ZC3H12C: variants seen among roughly 807,000 people sequenced by gnomAD.
The protein encoded by ZC3H12C is probable ribonuclease ZC3H12C.
ZC3H12C carries 20 observed loss-of-function variants against 76.3 expected under a neutral mutation model. The ratio of observed to expected loss-of-function variants is 0.26; its 90% CI spans 0.18 to 0.38. The LOEUF (loss-of-function observed/expected upper bound fraction) is 0.38. Ranked by LOEUF, ZC3H12C falls within the 10% of genes least tolerant of loss-of-function variation. ZC3H12C has a pLI of 1.00. For synonymous variants in ZC3H12C, 352 were observed against 399.6 expected (o/e 0.88, Z 1.42); for missense variants, 874 against 1,086.5 (o/e 0.80, Z 2.75).
intron 3 of ZC3H12C, among the ~76,000 whole-genome samples, chr11:110,154,912 A>G (rs585334): frequency 0.69 from 102,273 of 148,988 alleles, 35,967 homozygotes; most frequent in South Asian, 0.79. Flanking sequence ...GAATATAAGC[A>G]CCAAATAAGA....
At chr11:110,133,633 T>C (rs753992610) in intron 1 of ZC3H12C, among the ~76,000 whole-genome samples, 19 of 152,188 alleles carry the variant, frequency 1.2e-4, no homozygotes, top group Non-Finnish European at 2.8e-4. Context: ...ATTATCACTT[T>C]AAAAATATGT....
chr11:110,144,813 T>G (rs1440148363), intron 2 of ZC3H12C, among the ~76,000 whole-genome samples: 2 of 152,190 alleles, frequency 1.3e-5, no homozygotes, highest in African/African-American at 2.4e-5. Context: ...AGGCAGTCTC[T>G]TTTTATAGAT....
At chr11:110,101,049 T>C (rs1203571002) in intron 1 of ZC3H12C, among the ~76,000 whole-genome samples, 1 of 152,164 alleles carries the variant, frequency 6.6e-6, no homozygotes, top group Non-Finnish European at 1.5e-5. Context: ...GAAACAGCCT[T>C]ATTGTTGATA....
intron 1 of ZC3H12C, among the ~76,000 whole-genome samples, chr11:110,108,115 T>G (rs866814952): frequency 6.6e-6 from 1 of 152,206 alleles, no homozygotes; most frequent in Middle Eastern, 3.4e-3. Context: ...ACCTGGCTTT[T>G]TTTTGTTTTG....
chr11:110,121,654 T>A (rs912792896), intron 1 of ZC3H12C, among the ~76,000 whole-genome samples: 14 of 152,166 alleles, frequency 9.2e-5, no homozygotes, highest in African/African-American at 2.7e-4. Context: ...ATCAGTAGTA[T>A]GCAGTTATTT....
In ZC3H12C at chr11:110,170,551, A is replaced by T. The variant is rs1378729683; in HGVS notation, c.*4814A>T. The stretch of plus-strand genomic sequence containing the variant: ...GCTATAATGTGAGTGGCATGTTACA[A>T]TGTAACTCTTTATGAGAAATAAAAT... On this transcript the variant is annotated 3_prime_UTR_variant, in exon 6 of 6. Transcript: ENST00000278590. 6.6e-6 allele frequency: 1 copy of T among 152,202 alleles called. No individual in the cohort carries two copies. Among genetic ancestry groups the T allele is most frequent in the Non-Finnish European group, 1.5e-5 (1 of 68,012 alleles). 9.4% of individuals were successfully genotyped at this position (152,202 alleles called of 1,614,324 possible).
At chr11:110,100,733 G>C (rs1196687465) in intron 1 of ZC3H12C, among the ~76,000 whole-genome samples, 1 of 152,044 alleles carries the variant, frequency 6.6e-6, no homozygotes, top group Non-Finnish European at 1.5e-5. Context: ...GTGCTCCATC[G>C]ACCAGCCGTT....
intron 1 of ZC3H12C, among the ~76,000 whole-genome samples, chr11:110,095,489 T>C (rs1303222038): frequency 2.0e-5 from 3 of 152,230 alleles, no homozygotes; most frequent in African/African-American, 7.2e-5. Context: ...AAGTAGGGAA[T>C]GTTTTTATCT....
At chr11:110,123,901 A>T (rs1379788933) in intron 1 of ZC3H12C, among the ~76,000 whole-genome samples, 1 of 152,224 alleles carries the variant, frequency 6.6e-6, no homozygotes, top group Non-Finnish European at 1.5e-5. Flanking sequence ...GATTTAAGAG[A>T]ACAGCATAAA....
chr11:110,128,472 TG>T (rs140710301), intron 1 of ZC3H12C, among the ~76,000 whole-genome samples: 23 of 152,290 alleles, frequency 1.5e-4, no homozygotes, highest in Non-Finnish European at 2.2e-4. Context: ...GTGTTCACAG[TG>T]GCAGGCGTTA....
At chr11:110,125,785 A>G (rs1375802128) in intron 1 of ZC3H12C, among the ~76,000 whole-genome samples, 1 of 152,250 alleles carries the variant, frequency 6.6e-6, no homozygotes, top group Non-Finnish European at 1.5e-5. Context: ...ATCTGGCCAC[A>G]GTACTAGGGC....
intron 3 of ZC3H12C, among the ~76,000 whole-genome samples, chr11:110,154,833 T>G (rs1397443638): frequency 6.4e-5 from 1 of 15,660 alleles, no homozygotes; most frequent in African/African-American, 1.3e-4. Flanking sequence ...TACAGCTTGA[T>G]TAAAAAAAAA....
intron 1 of ZC3H12C, among the ~76,000 whole-genome samples, chr11:110,106,869 T>C (rs1456116018): frequency 6.6e-6 from 1 of 152,224 alleles, no homozygotes; most frequent in Non-Finnish European, 1.5e-5. Flanking sequence ...CCCAATACTA[T>C]CAGGGTTTTT....
intron 4 of ZC3H12C, among the ~76,000 whole-genome samples, chr11:110,162,579 T>C (rs1862499809): frequency 6.6e-6 from 1 of 152,220 alleles, no homozygotes; most frequent in Non-Finnish European, 1.5e-5. Flanking sequence ...TATTAGTCCA[T>C]CCAAAATAGT....
chr11:110,118,958 A>G (rs1186053113), intron 1 of ZC3H12C, among the ~76,000 whole-genome samples: 4 of 152,248 alleles, frequency 2.6e-5, no homozygotes, highest in Non-Finnish European at 5.9e-5. Flanking sequence ...CTATTACTGT[A>G]GCACTATCTC....
intron 3 of ZC3H12C, among the ~76,000 whole-genome samples, chr11:110,155,766 A>T (rs553516629): frequency 5.3e-4 from 80 of 152,326 alleles, no homozygotes; most frequent in African/African-American, 1.7e-3. Context: ...GAAAATGATG[A>T]GCAGGAAATA....
At chr11:110,156,402 A>G (rs1862377828) in intron 3 of ZC3H12C, among the ~76,000 whole-genome samples, 1 of 152,246 alleles carries the variant, frequency 6.6e-6, no homozygotes, top group Non-Finnish European at 1.5e-5. Flanking sequence ...GCTAAGAACT[A>G]GAAATTCAGT....
At chr11:110,102,523 G>A (rs2134145215) in intron 1 of ZC3H12C, among the ~76,000 whole-genome samples, 1 of 152,184 alleles carries the variant, frequency 6.6e-6, no homozygotes, top group South Asian at 2.1e-4. Context: ...CAAAGACAGT[G>A]GTTTCTTAAT....
At chr11:110,143,336 A>G (rs1862100912) in intron 2 of ZC3H12C, among the ~76,000 whole-genome samples, 1 of 152,200 alleles carries the variant, frequency 6.6e-6, no homozygotes, top group Non-Finnish European at 1.5e-5. Context: ...ATTGAAAAAT[A>G]TATCAGTGAA....
Sources: allele counts gnomAD v4.1 joint callset (sites outside exome capture counted in the v4.1 genomes callset), GRCh38; gene constraint gnomAD v4.1.1; transcripts MANE v1.5; gene names NCBI Gene and HGNC (gene_info 2026-07-23, HGNC 2026-07-21).